Variants in MAMLD1 observed in about 807,000 individuals in gnomAD.
The protein encoded by MAMLD1 is mastermind-like domain-containing protein 1.
A neutral mutation model predicts 45.0 loss-of-function variants in MAMLD1; 14 were observed. That is an observed-to-expected ratio of 0.31 (90% CI 0.21 to 0.49). The LOEUF (loss-of-function observed/expected upper bound fraction) is 0.49, where lower values mean the gene tolerates loss of function less well. Among genes scored for constraint, MAMLD1 ranks in the 20% least tolerant of loss-of-function variants. MAMLD1 has a pLI of 0.99. For synonymous variants in MAMLD1, 254 were observed against 247.8 expected (o/e 1.02, Z -0.24); for missense variants, 543 against 603.6 (o/e 0.90, Z 1.05).
intron 5 of MAMLD1, among the ~76,000 whole-genome samples, chrX:150,485,913 A>G (rs2148329870): frequency 8.9e-6 from 1 of 111,902 alleles, no homozygotes; most frequent in Non-Finnish European, 1.9e-5. Context: ...CATCATTAAA[A>G]ATCGGGTGTT....
At chrX:150,427,225 A>T (rs1424284401) in intron 1 of MAMLD1, among the ~76,000 whole-genome samples, 2 of 112,350 alleles carry the variant, frequency 1.8e-5, no homozygotes, top group African/African-American at 3.2e-5. Flanking sequence ...ATAAGATCAC[A>T]TTATGAAGTA....
chrX:150,488,263 T>C (rs896869834), intron 5 of MAMLD1, among the ~76,000 whole-genome samples: 6 of 112,258 alleles, frequency 5.3e-5, no homozygotes, highest in Non-Finnish European at 9.4e-5. Context: ...GTGAAGACAA[T>C]AGAAGACCCT....
intron 1 of MAMLD1, 44 bp downstream of exon 1, chrX:150,363,574 T>C (rs1458768893): frequency 9.1e-6 from 1 of 110,081 alleles, no homozygotes; most frequent in African/African-American, 3.3e-5. Context: ...GTTCTGGGGG[T>C]TCCGGGGTAC....
intron 5 of MAMLD1, among the ~76,000 whole-genome samples, chrX:150,496,377 T>C (rs72612718): frequency 0.1 from 11,778 of 112,412 alleles, 448 homozygotes; most frequent in Middle Eastern, 0.14. Context: ...CAAGTTACTT[T>C]GCTTTTCTGA....
chrX:150,448,872 A>G (rs1375593644), intron 2 of MAMLD1, among the ~76,000 whole-genome samples: 1 of 111,899 alleles, frequency 8.9e-6, no homozygotes, highest in Non-Finnish European at 1.9e-5. Flanking sequence ...TCTCTGTCTC[A>G]GTCCATACCC....
intron 3 of MAMLD1, among the ~76,000 whole-genome samples, chrX:150,467,497 C>T (rs1472040332): frequency 8.9e-6 from 1 of 112,409 alleles, no homozygotes; most frequent in African/African-American, 3.2e-5. Flanking sequence ...GCCTGCTCTA[C>T]ACCTCTCCAA....
intron 1 of MAMLD1, among the ~76,000 whole-genome samples, chrX:150,369,054 T>G (rs915078623): frequency 8.9e-6 from 1 of 112,682 alleles, no homozygotes; most frequent in East Asian, 2.8e-4. Context: ...GGCTCTTTTT[T>G]GGTTCCATAT....
intron 1 of MAMLD1, among the ~76,000 whole-genome samples, chrX:150,418,403 T>G (rs1245651765): frequency 9.1e-6 from 1 of 109,739 alleles, no homozygotes; most frequent in Non-Finnish European, 1.9e-5. Flanking sequence ...CTGGATTCAT[T>G]AATTTTTTGA....
chrX:150,494,141 A>T (rs1557408096), intron 5 of MAMLD1, among the ~76,000 whole-genome samples: 2 of 112,165 alleles, frequency 1.8e-5, no homozygotes, highest in Non-Finnish European at 3.8e-5. Flanking sequence ...CAAGCCTGTA[A>T]TCCCAGCACT....
At position 150,514,136 on chromosome X, in the gene MAMLD1, GT is replaced by G. The variant is rs1226608825; in HGVS notation, c.*2183del. 4.6e-6 allele frequency: 1 copy of G among 219,537 alleles called. No individual in the cohort carries two copies. The highest frequency in any genetic ancestry group is 2.9e-5 in the African/African-American group (1 of 34,834). 18.1% of individuals were successfully genotyped at this position (219,537 alleles called of 1,213,427 possible). On this transcript the variant is annotated 3_prime_UTR_variant, in exon 8 of 8. Transcript: ENST00000370401. ...TCTGGCGTCTGTTTCAAGCCAGTGT[GT>G]TTTTTCTTCGTTCTGTAATAAACAG... is the stretch of plus-strand genomic sequence containing the variant.
chrX:150,494,263 G>A (rs1350396263), intron 5 of MAMLD1, among the ~76,000 whole-genome samples: 2 of 111,423 alleles, frequency 1.8e-5, no homozygotes, highest in Non-Finnish European at 3.8e-5. Flanking sequence ...TCGTGGTGGT[G>A]CCTGCCTGTA....
intron 5 of MAMLD1, among the ~76,000 whole-genome samples, chrX:150,476,217 T>C (rs1275620733): frequency 9.0e-6 from 1 of 111,504 alleles, no homozygotes; most frequent in Non-Finnish European, 1.9e-5. Context: ...CCAAATTGCG[T>C]CACTGAATTC....
chrX:150,370,551 T>C (rs1372367560), intron 1 of MAMLD1, among the ~76,000 whole-genome samples: 1 of 111,592 alleles, frequency 9.0e-6, no homozygotes, highest in Non-Finnish European at 1.9e-5. Flanking sequence ...GATATTTACA[T>C]GCCAAGATTG....
intron 1 of MAMLD1, among the ~76,000 whole-genome samples, chrX:150,417,418 A>T (rs1405936917): frequency 9.4e-6 from 1 of 106,047 alleles, no homozygotes; most frequent in East Asian, 2.9e-4. Flanking sequence ...ATTGTTGGAC[A>T]TTTGGGTTGG....
chrX:150,401,637 A>T (rs1352516342), intron 1 of MAMLD1, among the ~76,000 whole-genome samples: 1 of 111,621 alleles, frequency 9.0e-6, no homozygotes, highest in Non-Finnish European at 1.9e-5. Flanking sequence ...AAAAGAACAA[A>T]GCTGGAGACA....
intron 5 of MAMLD1, among the ~76,000 whole-genome samples, chrX:150,476,616 G>A (rs923221639): frequency 5.4e-4 from 61 of 111,972 alleles, no homozygotes; most frequent in African/African-American, 1.9e-3. Context: ...ACAAAAAAAA[G>A]CCTGGAATCT....
At chrX:150,370,122 C>G (rs1355661928) in intron 1 of MAMLD1, among the ~76,000 whole-genome samples, 22 of 109,252 alleles carry the variant, frequency 2.0e-4, no homozygotes, top group Admixed American at 2.0e-3. Flanking sequence ...TAGACCAACC[C>G]AGATGTCACT....
chrX:150,411,671 G>A (rs7051169), intron 1 of MAMLD1, among the ~76,000 whole-genome samples: 1,493 of 111,502 alleles, frequency 0.013, 29 homozygotes, highest in African/African-American at 0.047. Context: ...TGTCTAGGAT[G>A]CTGCCACCAC....
intron 6 of MAMLD1, among the ~76,000 whole-genome samples, chrX:150,505,297 C>T (rs2037690193): frequency 8.9e-6 from 1 of 111,851 alleles, no homozygotes; most frequent in Non-Finnish European, 1.9e-5. Flanking sequence ...GGTCCCATGA[C>T]TTGACCTTAG....
Sources: allele counts gnomAD v4.1 joint callset (sites outside exome capture counted in the v4.1 genomes callset), GRCh38; gene constraint gnomAD v4.1.1; transcripts MANE v1.5; gene names NCBI Gene and HGNC (gene_info 2026-07-23, HGNC 2026-07-21).